CDH24: variants seen among roughly 807,000 people sequenced by gnomAD.
CDH24 encodes cadherin 24.
In CDH24, 61 loss-of-function variants were observed where a neutral mutation model predicts 71.2. The ratio of observed to expected loss-of-function variants is 0.86; its 90% CI spans 0.70 to 1.06. The LOEUF (loss-of-function observed/expected upper bound fraction) is 1.06. CDH24 is among the 50% of genes least tolerant of loss of function. The pLI is 0.00. For synonymous variants in CDH24, 440 were observed against 470.2 expected (o/e 0.94, Z 0.83); for missense variants, 961 against 1,083.7 (o/e 0.89, Z 1.59).
At position 23,051,138 on chromosome 14, in the gene CDH24, C is replaced by T. The variant is rs998563543; in HGVS notation, c.1364-1195G>A. Among the ~76,000 whole-genome samples the T allele has an allele frequency of 6.6e-6, 1 of 152,154 alleles. No homozygotes were observed. Among genetic ancestry groups the T allele is most frequent in the African/African-American group, 2.4e-5 (1 of 41,434 alleles). On this transcript the variant is annotated intron_variant, in intron 8 of 12. Transcript: ENST00000487137. This position sits in a 1 kb window ranked among gnomAD's most constrained non-coding sequence, Gnocchi z 4.4. The stretch of plus-strand genomic sequence containing the variant: ...GACATCCATGCACTAACAGATAACA[C>T]GTGCACTGCCAGGTAGTATCTGTGC...
chr14:23,049,351 C>T, intron 10 of CDH24, 76 bp from the exon 11 acceptor site: 6 of 1,401,436 alleles, frequency 4.3e-6, no homozygotes, highest in South Asian at 2.8e-5. Flanking sequence ...ATAGAGCCAG[C>T]TTCCCATAGA....
intron 11 of CDH24, 53 bp downstream of exon 11, chr14:23,048,974 A>G: frequency 6.4e-7 from 1 of 1,570,138 alleles, no homozygotes; most frequent in Non-Finnish European, 8.7e-7. Context: ...GTTCTTCTCC[A>G]CACCCCTGCA....
rs921267237 is a variant in CDH24, at chr14:23,048,231, G to C, written c.2095C>G (p.Pro699Ala). 1.5e-6 allele frequency: 2 copies of C among 1,325,142 alleles called. No individual in the cohort carries two copies. The highest frequency in any genetic ancestry group is 3.1e-5 in the African/African-American group (2 of 63,654). 82.1% of individuals were successfully genotyped at this position (1,325,142 alleles called of 1,614,324 possible). ...GCCAGGAGCTGCGCCACGTCGGCGGGGCCGGGGGGTCTGGGCTGGCGCGAC... is the reference window on the plus strand; with the variant it reads ...GCCAGGAGCTGCGCCACGTCGGCGGCGCCGGGGGGTCTGGGCTGGCGCGAC... Reference protein sequence around the residue: ...RVSRQPRPPGPADVAQLLALR... With the variant: ...RVSRQPRPPGAADVAQLLALR... Residue 699 changes from proline to alanine, a missense_variant, in exon 12 of 13, where the codon CCC (proline) becomes GCC (alanine). Around this residue, in one of 2 missense-constraint regions of CDH24, gnomAD observed 290 missense variants for 272.8 expected, o/e 1.06. Coordinates refer to ENST00000487137, the MANE Select transcript of CDH24 (RefSeq NM_144985.4).
chr14:23,057,172 G>A lies in CDH24; in HGVS notation c.-125+231C>T, dbSNP rs1401965782. Among the ~76,000 whole-genome samples, 2 of 152,048 alleles carry A rather than the reference G, an allele frequency of 1.3e-5. No homozygotes were observed. Among genetic ancestry groups the A allele is most frequent in the Non-Finnish European group, 2.9e-5 (2 of 67,974 alleles). The stretch of plus-strand genomic sequence containing the variant: ...GAGGGAAGGGTTGGGGAGACAGAGG[G>A]AAGGGATAAGGAAGGCAAACAGGCA... On this transcript the variant is annotated intron_variant, in intron 1 of 12. Coordinates refer to ENST00000487137, the MANE Select transcript of CDH24 (RefSeq NM_144985.4). This position sits in a 1 kb window ranked among gnomAD's most constrained non-coding sequence, Gnocchi z 5.4.
Position 23,048,201 on chromosome 14 carries a change from G to A in CDH24, c.2125C>T (p.Arg709Trp). 1 of 1,329,022 alleles carries A rather than the reference G, an allele frequency of 7.5e-7. No individual in the cohort carries two copies. Among genetic ancestry groups the A allele is most frequent in the Non-Finnish European group, 9.6e-7 (1 of 1,036,604 alleles). The allele number at this position is 1,329,022 out of a possible 1,614,324, so 82.3% of individuals were successfully genotyped here. A position where few individuals can be genotyped will look rare whatever the true frequency, so the allele number is the denominator to read the frequency against. The change falls in exon 12 of 13, where the codon CGG becomes TGG. Residue 709 changes from arginine to tryptophan, a missense_variant. Transcript: ENST00000487137. Reference protein sequence around the residue: ...PADVAQLLALRLREADEDPGV... With the variant: ...PADVAQLLALWLREADEDPGV... ...GGGTCCTCGTCCGCCTCGCGGAGCC[G>A]CAGCGCCAGGAGCTGCGCCACGTCG...
chr14:23,054,205 C>G lies in CDH24; in HGVS notation c.908G>C (p.Gly303Ala). Reference protein sequence around the residue: ...LMAYSILDGEGSEAFSISTDL... With the variant: ...LMAYSILDGEASEAFSISTDL... ...TGTGCTGATGCTGAAGGCCTCAGAC[C>G]CCTCCCCATCCAGGATGCTGTATGC... Residue 303 changes from glycine to alanine, a missense_variant, in exon 6 of 13, where the codon GGG becomes GCG. Physicochemically the swap from Gly to Ala is moderately conservative, Grantham distance 60 (BLOSUM62 0). Around this residue, in one of 2 missense-constraint regions of CDH24, gnomAD observed 671 missense variants for 810.9 expected, o/e 0.83. Coordinates refer to ENST00000487137, the MANE Select transcript of CDH24 (RefSeq NM_144985.4). The surrounding 1 kb of genome is among the most constrained non-coding windows in gnomAD (Gnocchi z 5.2). 1 of 1,613,582 alleles carries G rather than the reference C, an allele frequency of 6.2e-7. No homozygotes were observed. Among genetic ancestry groups the G allele is most frequent in the Non-Finnish European group, 8.5e-7 (1 of 1,179,900 alleles).
At chr14:23,056,643 G>C (rs567568950) in intron 1 of CDH24, among the ~76,000 whole-genome samples, 9 of 152,326 alleles carry the variant, frequency 5.9e-5, no homozygotes, top group African/African-American at 2.2e-4. Flanking sequence ...AGGAGTCCTA[G>C]GGGCCAGGCT....
At position 23,049,736 on chromosome 14, in the gene CDH24, C is replaced by T; in HGVS notation, c.1488G>A (p.Leu496=). The T allele has an allele frequency of 6.2e-7, 1 of 1,611,830 alleles. No homozygotes were observed. Reference sequence around the variant, plus strand: ...TGTCCAGGGCCCGGATGACCTGAATCAGCTGGGAGGAAGAAGAGAGAGGCC... The same window carrying T: ...TGTCCAGGGCCCGGATGACCTGAATTAGCTGGGAGGAAGAAGAGAGAGGCC... ...FVCDSAAPGQ[L]IQVIRALDRD... The change falls in exon 10 of 13, where the codon CTG becomes CTA. Residue 496 remains leucine (L), a splice_region_variant and synonymous_variant. Coordinates refer to ENST00000487137, the MANE Select transcript of CDH24 (RefSeq NM_144985.4).
At position 23,055,366 on chromosome 14, in the gene CDH24, C is replaced by T. The variant is rs368554077; in HGVS notation, c.202-13G>A. 4.0e-5 allele frequency: 64 copies of T among 1,600,798 alleles called. No individual in the cohort carries two copies. Among genetic ancestry groups the T allele is most frequent in the Non-Finnish European group, 4.6e-5 (54 of 1,169,444 alleles). ...CATCCGAGTGCAGCTGCAGGGGTCA[C>T]GAAAAGATGGCAGAGGGCTCCAAGT... On this transcript the variant is annotated splice_polypyrimidine_tract_variant and intron_variant, in intron 2 of 12. Coordinates refer to ENST00000487137, the MANE Select transcript of CDH24 (RefSeq NM_144985.4). The surrounding 1 kb of genome is among the most constrained non-coding windows in gnomAD (Gnocchi z 4.1).
rs1356567855 is a variant in CDH24, at chr14:23,057,276, G to A, written c.-125+127C>T. ...GGGAGAAGGGAAAGAGGCAGAGCGC[G>A]GGAGAAGGGAGCCGGCAGCGGGCTC... On this transcript the variant is annotated intron_variant, in intron 1 of 12. Transcript: ENST00000487137. This position sits in a 1 kb window ranked among gnomAD's most constrained non-coding sequence, Gnocchi z 5.4. The A allele has an allele frequency of 6.6e-6, 1 of 152,276 alleles. No homozygotes were observed. The highest frequency in any genetic ancestry group is 2.4e-5 in the African/African-American group (1 of 41,400). 9.4% of individuals were successfully genotyped at this position (152,276 alleles called of 1,614,324 possible). A position where few individuals can be genotyped will look rare whatever the true frequency, so the allele number is the denominator to read the frequency against.
rs370092057 is a variant in CDH24 at position 23,047,947 on chromosome 14, C to A, written c.*33G>T. On this transcript the variant is annotated 3_prime_UTR_variant, in exon 12 of 13. Coordinates refer to ENST00000487137, the MANE Select transcript of CDH24 (RefSeq NM_144985.4). ...CTCAGAGGGCCTGTGCCCGCTGCCC[C>A]CCCCCCGCGGTGGGCCGGGCCAGCC... 107 of 1,288,292 alleles carry A rather than the reference C, an allele frequency of 8.3e-5. No homozygotes were observed. Among genetic ancestry groups the A allele is most frequent in the South Asian group, 4.3e-4 (19 of 43,956 alleles). The allele number at this position is 1,288,292 out of a possible 1,614,324, so 79.8% of individuals were successfully genotyped here. A position where few individuals can be genotyped will look rare whatever the true frequency, so the allele number is the denominator to read the frequency against.
rs759702442 is a variant in CDH24, at chr14:23,052,583, G to A, written c.1253C>T (p.Pro418Leu). ...GGGCTGGATAGAGAAGCAACGCTCC[G>A]GATCTGAGTGGGGGAGGATGGAGTA... is the stretch of plus-strand genomic sequence containing the variant. ...IRYSILPHSD[P>L]ERCFSIQPEE... The change falls in exon 8 of 13, where the codon CCG (proline) becomes CTG (leucine). Residue 418 changes from proline (P) to leucine (L), a missense_variant. Around this residue, in one of 2 missense-constraint regions of CDH24, gnomAD observed 671 missense variants for 810.9 expected, o/e 0.83. Transcript: ENST00000487137. The A allele has an allele frequency of 4.3e-5, 69 of 1,613,732 alleles. No homozygotes were observed. The Middle Eastern group carries it at 8.2e-4, about 19-fold the overall frequency.
At position 23,054,169 on chromosome 14, in the gene CDH24, C is replaced by T. The variant is rs1243948538; in HGVS notation, c.944G>A (p.Gly315Asp). ...GCGGACAGTGAGGAGCCCGTCTCGA[C>T]CCTGCAAGTCTGTGCTGATGCTGAA... ...EAFSISTDLQGRDGLLTVRKP... is the reference protein window; with the variant it reads ...EAFSISTDLQDRDGLLTVRKP... Residue 315 changes from glycine to aspartate, a missense_variant, in exon 6 of 13, where the codon GGT (glycine) becomes GAT (aspartate). Coordinates refer to ENST00000487137, the MANE Select transcript of CDH24 (RefSeq NM_144985.4). The surrounding 1 kb of genome is among the most constrained non-coding windows in gnomAD (Gnocchi z 5.2). 1.2e-6 allele frequency: 2 copies of T among 1,608,418 alleles called. No individual in the cohort carries two copies. The highest frequency in any genetic ancestry group is 1.3e-5 in the African/African-American group (1 of 74,910).
At chr14:23,053,964 G>T (rs2047104430) in intron 6 of CDH24, among the ~76,000 whole-genome samples, 177 bp downstream of exon 6, 1 of 152,150 alleles carries the variant, frequency 6.6e-6, no homozygotes, top group African/African-American at 2.4e-5. Flanking sequence ...TCATAGACTT[G>T]CTATCACTTC....
At position 23,055,320 on chromosome 14, in the gene CDH24, T is replaced by G. The variant is rs774722120; in HGVS notation, c.235A>C (p.Thr79Pro). ...CCCTCCCCGGTCAACAGGTACTTGGTGCGGCCCTCTCCCCGGTCAACATCC... is the reference window on the plus strand; with the variant it reads ...CCCTCCCCGGTCAACAGGTACTTGGGGCGGCCCTCTCCCCGGTCAACATCC... ...HSDVDRGEGR[T>P]KYLLTGEGAG... The change falls in exon 3 of 13, where the codon ACC becomes CCC. Residue 79 changes from threonine to proline, a missense_variant. This residue lies in a region of CDH24 where 671 missense variants were observed against 810.9 expected (regional missense o/e 0.83). Coordinates refer to ENST00000487137, the MANE Select transcript of CDH24 (RefSeq NM_144985.4). This position sits in a 1 kb window ranked among gnomAD's most constrained non-coding sequence, Gnocchi z 4.1. 1 of 1,609,308 alleles carries G rather than the reference T, an allele frequency of 6.2e-7. No homozygotes were observed. The highest frequency in any genetic ancestry group is 1.1e-5 in the South Asian group (1 of 91,036).
rs2047121478 is a variant in CDH24 at position 23,055,465 on chromosome 14, G to T, written c.201+68C>A. 1 of 1,594,982 alleles carries T rather than the reference G, an allele frequency of 6.3e-7. No homozygotes were observed. Among genetic ancestry groups the T allele is most frequent in the African/African-American group, 1.3e-5 (1 of 74,562 alleles). Reference sequence around the variant, plus strand: ...CTGAGGGACCAAGGTCATTGCAGAAGTGATGAAGTTGCAGGGCAGGGCCTG... The same window carrying T: ...CTGAGGGACCAAGGTCATTGCAGAATTGATGAAGTTGCAGGGCAGGGCCTG... On this transcript the variant is annotated intron_variant, in intron 2 of 12. Coordinates refer to ENST00000487137, the MANE Select transcript of CDH24 (RefSeq NM_144985.4). The surrounding 1 kb of genome is among the most constrained non-coding windows in gnomAD (Gnocchi z 4.1).
chr14:23,049,017 C>G lies in CDH24; in HGVS notation c.1846+10G>C. 1 of 1,610,082 alleles carries G rather than the reference C, an allele frequency of 6.2e-7. No individual in the cohort carries two copies. Among genetic ancestry groups the G allele is most frequent in the Non-Finnish European group, 8.5e-7 (1 of 1,178,526 alleles). ...ATCGCACAGCTATGTACCACTGTGG[C>G]CTGACTCACCAAGCAGGGCACCCAC... is the stretch of plus-strand genomic sequence containing the variant. On this transcript the variant is annotated intron_variant, in intron 11 of 12. Transcript: ENST00000487137.
intron 6 of CDH24, 147 bp from the exon 7 acceptor site, chr14:23,053,896 T>G: frequency 1.1e-6 from 1 of 916,044 alleles, no homozygotes; most frequent in Non-Finnish European, 1.6e-6. Flanking sequence ...GACAGTGGCC[T>G]TGGTGGTCAG....
intron 10 of CDH24, 84 bp downstream of exon 10, chr14:23,049,543 G>A: frequency 1.2e-6 from 1 of 854,922 alleles, no homozygotes; most frequent in Middle Eastern, 3.2e-4. Flanking sequence ...GGTGGGGCAG[G>A]GGTCAGGCAG....
Sources: gnomAD v4.1 joint callset for allele counts (sites outside exome capture counted in the v4.1 genomes callset) on GRCh38, gnomAD v4.1.1 for gene constraint, gnomAD v4.1.1 regional missense constraint, Gnocchi (gnomAD v3.1) non-coding constraint, MANE v1.5 for transcripts, NCBI Gene and HGNC (gene_info 2026-07-23, HGNC 2026-07-21) for gene names.